The following HTR7 variants were observed in gnomAD, a reference collection of about 807,000 sequenced individuals.
The protein encoded by HTR7 is 5-HT-7.
In HTR7, 16 loss-of-function variants were observed where a neutral mutation model predicts 34.0. The ratio of observed to expected loss-of-function variants is 0.47; its 90% CI spans 0.32 to 0.71. HTR7 has a LOEUF of 0.71. HTR7 is among the 30% of genes least tolerant of loss of function. The pLI, the probability that HTR7 is intolerant of heterozygous loss-of-function variation, is 0.04. For synonymous variants in HTR7, 265 were observed against 260.2 expected (o/e 1.02, Z -0.18); for missense variants, 504 against 625.5 (o/e 0.81, Z 2.07).
chr10:90,798,259 CA>C (rs1200145793), intron 1 of HTR7, among the ~76,000 whole-genome samples: 4 of 152,162 alleles, frequency 2.6e-5, no homozygotes, highest in African/African-American at 9.7e-5. Flanking sequence ...GTAGCTCATT[CA>C]GGACTGGGTA....
At chr10:90,818,505 C>A (rs1293528319) in intron 1 of HTR7, among the ~76,000 whole-genome samples, 1 of 152,082 alleles carries the variant, frequency 6.6e-6, no homozygotes, top group Non-Finnish European at 1.5e-5. Context: ...GAGATCGCAC[C>A]ATTGCACTCC....
intron 1 of HTR7, among the ~76,000 whole-genome samples, chr10:90,803,126 GA>G (rs950167482): frequency 6.6e-6 from 1 of 151,398 alleles, no homozygotes; most frequent in African/African-American, 2.4e-5. Flanking sequence ...GTATAAAGGA[GA>G]AGAAGATACC....
At position 90,857,675 on chromosome 10, in the gene HTR7, G is replaced by C. The variant is rs1351574166; in HGVS notation, c.-4C>G. 6.5e-7 allele frequency: 1 copy of C among 1,533,584 alleles called. No individual in the cohort carries two copies. 95.0% of individuals were successfully genotyped at this position (1,533,584 alleles called of 1,614,324 possible). A position where few individuals can be genotyped will look rare whatever the true frequency, so the allele number is the denominator to read the frequency against. On this transcript the variant is annotated 5_prime_UTR_variant, in exon 1 of 4. Transcript: ENST00000336152. The surrounding 1 kb of genome is among the most constrained non-coding windows in gnomAD (Gnocchi z 6.5). ...CGCTGCTGTTAACGTCCATCATCGC[G>C]CCGCCGTGTGCCGCTGCCCATGGAG...
chr10:90,750,072 C>T (rs11592512), intron 1 of HTR7, among the ~76,000 whole-genome samples: 21,687 of 152,138 alleles, frequency 0.14, 1,649 homozygotes, highest in East Asian at 0.2. Flanking sequence ...TTAGCTTTCC[C>T]TTTGCATTAC....
intron 1 of HTR7, among the ~76,000 whole-genome samples, chr10:90,844,312 A>T (rs1025810992): frequency 6.6e-5 from 10 of 152,218 alleles, no homozygotes; most frequent in African/African-American, 2.4e-4. Context: ...CCACTTCCAG[A>T]TATTATGAAT....
chr10:90,841,849 A>T (rs10881839), intron 1 of HTR7, among the ~76,000 whole-genome samples: 3 of 151,930 alleles, frequency 2.0e-5, no homozygotes, highest in South Asian at 4.2e-4. Flanking sequence ...AAAATACAAA[A>T]ATTAGCCAGG....
intron 1 of HTR7, among the ~76,000 whole-genome samples, chr10:90,846,038 G>A (rs755226116): frequency 1.3e-4 from 20 of 152,228 alleles, no homozygotes; most frequent in Non-Finnish European, 2.9e-4. Flanking sequence ...GGAAGGATGG[G>A]TGACAGGGAG....
At chr10:90,821,661 C>A (rs993677487) in intron 1 of HTR7, among the ~76,000 whole-genome samples, 9 of 152,156 alleles carry the variant, frequency 5.9e-5, no homozygotes, top group African/African-American at 2.2e-4. Flanking sequence ...ACCAGTACAG[C>A]CAAGGGAATT....
chr10:90,785,790 C>A (rs1845371098), intron 1 of HTR7, among the ~76,000 whole-genome samples: 3 of 152,200 alleles, frequency 2.0e-5, no homozygotes, highest in Non-Finnish European at 4.4e-5. Context: ...ACAATTCTTA[C>A]TCCTTCTCAG....
At chr10:90,855,192 A>G (rs1310238890) in intron 1 of HTR7, among the ~76,000 whole-genome samples, 2 of 152,230 alleles carry the variant, frequency 1.3e-5, no homozygotes, top group African/African-American at 2.4e-5. Flanking sequence ...TGTTACCACA[A>G]TTTGTGACAA....
At chr10:90,795,399 T>A (rs1290735687) in intron 1 of HTR7, among the ~76,000 whole-genome samples, 1 of 152,168 alleles carries the variant, frequency 6.6e-6, no homozygotes, top group African/African-American at 2.4e-5. Flanking sequence ...TTCTACCATG[T>A]CCACCACCAC....
intron 1 of HTR7, among the ~76,000 whole-genome samples, chr10:90,802,137 G>A (rs1350934743): frequency 1.3e-5 from 2 of 152,098 alleles, no homozygotes; most frequent in East Asian, 1.9e-4. Flanking sequence ...GACAAACTTC[G>A]CTGTGGGCTC....
In HTR7 at chr10:90,857,336, G is replaced by C; in HGVS notation, c.336C>G (p.Leu112=). The C allele has an allele frequency of 6.2e-7, 1 of 1,614,040 alleles. No homozygotes were observed. The highest frequency in any genetic ancestry group is 8.5e-7 in the Non-Finnish European group (1 of 1,179,992). ...VVISVCFVKK[L]RQPSNYLIVS... is the part of the protein sequence containing the mutation. ...CGATCAGGTAGTTGGAGGGCTGGCG[G>C]AGCTTCTTGACGAAGCACACGGAGA... The change falls in exon 1 of 4, where the codon CTC becomes CTG. Residue 112 remains leucine (L), a synonymous_variant. Transcript: ENST00000336152. This position sits in a 1 kb window ranked among gnomAD's most constrained non-coding sequence, Gnocchi z 6.5.
chr10:90,833,487 G>C (rs979086216), intron 1 of HTR7, among the ~76,000 whole-genome samples: 1 of 152,166 alleles, frequency 6.6e-6, no homozygotes, highest in Non-Finnish European at 1.5e-5. Context: ...AGAACGTACC[G>C]CATGGGGTTG....
intron 1 of HTR7, among the ~76,000 whole-genome samples, chr10:90,809,190 G>A (rs1444978814): frequency 6.6e-6 from 1 of 152,062 alleles, no homozygotes; most frequent in Non-Finnish European, 1.5e-5. Flanking sequence ...CTCCCCTCCT[G>A]ACACCCGGTC....
At position 90,857,837 on chromosome 10, in the gene HTR7, C is replaced by G; in HGVS notation, c.-166G>C. On this transcript the variant is annotated 5_prime_UTR_variant, in exon 1 of 4. Coordinates refer to ENST00000336152, the MANE Select transcript of HTR7 (RefSeq NM_019859.4). This position sits in a 1 kb window ranked among gnomAD's most constrained non-coding sequence, Gnocchi z 6.5. The stretch of plus-strand genomic sequence containing the variant: ...CTCTGTCTCGGAGCCCCGCACTCCC[C>G]GGACCCCCGGCCGCTGCGGGTAACG... The G allele has an allele frequency of 3.3e-6, 2 of 597,240 alleles. No individual in the cohort carries two copies. The highest frequency in any genetic ancestry group is 4.8e-6 in the Non-Finnish European group (2 of 414,202). 37.0% of individuals were successfully genotyped at this position (597,240 alleles called of 1,614,324 possible).
At chr10:90,748,169 T>C (rs1263024763) in intron 2 of HTR7, among the ~76,000 whole-genome samples, 1 of 152,172 alleles carries the variant, frequency 6.6e-6, no homozygotes, top group Non-Finnish European at 1.5e-5. Flanking sequence ...GAGGCGAGTC[T>C]TGCTCTGTCA....
intron 1 of HTR7, among the ~76,000 whole-genome samples, chr10:90,848,869 G>A (rs1846452084): frequency 6.6e-6 from 1 of 152,198 alleles, no homozygotes; most frequent in Non-Finnish European, 1.5e-5. Context: ...TATGTGAACT[G>A]TAAATTCTTA....
chr10:90,782,024 G>A (rs1045840923), intron 1 of HTR7, among the ~76,000 whole-genome samples: 1 of 152,170 alleles, frequency 6.6e-6, no homozygotes, highest in Non-Finnish European at 1.5e-5. Context: ...CCAAGCATTG[G>A]CCTCTGGCTC....
Sources: allele counts gnomAD v4.1 joint callset (sites outside exome capture counted in the v4.1 genomes callset), GRCh38; gene constraint gnomAD v4.1.1; non-coding constraint Gnocchi (gnomAD v3.1); transcripts MANE v1.5; gene names NCBI Gene and HGNC (gene_info 2026-07-23, HGNC 2026-07-21).